The following GFAP variants were observed in gnomAD, a reference collection of about 807,000 sequenced individuals.
GFAP encodes intermediate filament protein.
In GFAP, 38 loss-of-function variants were observed where a neutral mutation model predicts 49.3. The observed-to-expected ratio is 0.77, with a 90% CI of 0.60 to 1.01. The LOEUF (loss-of-function observed/expected upper bound fraction) is 1.01. GFAP is among the 50% of genes least tolerant of loss of function. The probability of loss-of-function intolerance (pLI) is 0.00; values close to 1 mark genes in which losing one functional copy is unlikely to be tolerated. For missense variants in GFAP, 463 were observed against 579.1 expected (o/e 0.80, Z 2.06); for synonymous variants, 222 against 236.4 (o/e 0.94, Z 0.56).
chr17:44,909,978 G>A (rs1567772126), intron 7 of GFAP: 16 of 1,500,786 alleles, frequency 1.1e-5, no homozygotes, highest in Middle Eastern at 2.4e-4. Flanking sequence ...TCTGTACCAC[G>A]TCCTGGGCTG....
chr17:44,911,937 T>C lies in GFAP; in HGVS notation c.781-140A>G, dbSNP rs1244909802. The C allele has an allele frequency of 1.2e-5, 11 of 931,242 alleles. No homozygotes were observed. The Admixed American group carries it at 2.1e-4, about 18-fold the overall frequency. 57.7% of individuals were successfully genotyped at this position (931,242 alleles called of 1,614,324 possible). The stretch of plus-strand genomic sequence containing the variant: ...GACTTTTCCCAACAACTGTGACCCA[T>C]GGATGCGGGCAGGGTAGCGGGCTGC... On this transcript the variant is annotated intron_variant, in intron 4 of 8. Transcript: ENST00000588735.
In GFAP at chr17:44,906,990, A is replaced by G; in HGVS notation, c.*357T>C. On this transcript the variant is annotated 3_prime_UTR_variant, in exon 9 of 9. Transcript: ENST00000588735. ...CTCCATCTCTGGCAACAGTTTCCAT[A>G]ACAACAGGAATCAGGGATGTGGAGG... 2.8e-6 allele frequency: 1 copy of G among 360,510 alleles called. No homozygotes were observed. The allele number at this position is 360,510 out of a possible 1,614,324, so 22.3% of individuals were successfully genotyped here.
chr17:44,907,420 C>A (rs1486417779), intron 8 of GFAP, 32 bp from the exon 9 acceptor site: 1 of 1,518,840 alleles, frequency 6.6e-7, no homozygotes, highest in Admixed American at 1.7e-5. Context: ...CACAGTGCAA[C>A]AGTTAGGAGT....
intron 4 of GFAP, among the ~76,000 whole-genome samples, 179 bp from the exon 5 acceptor site, chr17:44,911,976 C>T (rs1412190569): frequency 6.6e-6 from 1 of 152,208 alleles, no homozygotes; most frequent in Non-Finnish European, 1.5e-5. Context: ...ACCTCAGCAC[C>T]TAGCACAACA....
In GFAP at chr17:44,903,280, A is replaced by G. The variant is rs1262195281; in HGVS notation, c.*4067T>C. On this transcript the variant is annotated 3_prime_UTR_variant, in exon 9 of 9. Transcript: ENST00000588735. ...TAATCAACAAATGATCAAATACTACATCATTTGAGGTGTTGAATTTTCCCC... is the reference window on the plus strand; with the variant it reads ...TAATCAACAAATGATCAAATACTACGTCATTTGAGGTGTTGAATTTTCCCC... 1 of 1,248,164 alleles carries G rather than the reference A, an allele frequency of 8.0e-7. No homozygotes were observed. Among genetic ancestry groups the G allele is most frequent in the Non-Finnish European group, 1.0e-6 (1 of 997,330 alleles). 77.3% of individuals were successfully genotyped at this position (1,248,164 alleles called of 1,614,324 possible). A position where few individuals can be genotyped will look rare whatever the true frequency, so the allele number is the denominator to read the frequency against.
Position 44,911,556 on chromosome 17 carries a change from T to G in GFAP, c.907-100A>C, listed in dbSNP as rs8067029. 195,212 of 1,558,762 alleles carry G rather than the reference T, an allele frequency of 0.13. 13,339 individuals carry two copies. The highest frequency in any genetic ancestry group is 0.26 in the African/African-American group (19,235 of 73,918). ...CCAGGCCCCGCCTCTAGCCCGGGGG[T>G]AACGTTCAGGCCCCGCCCTCGACCC... On this transcript the variant is annotated intron_variant, in intron 5 of 8. Transcript: ENST00000588735.
intron 7 of GFAP, chr17:44,909,343 A>G (rs1393832878): frequency 6.6e-6 from 1 of 152,220 alleles, no homozygotes; most frequent in African/African-American, 2.4e-5. Context: ...TGTGGCACAT[A>G]TTAGTGCTCA....
In GFAP at chr17:44,904,296, A is replaced by G; in HGVS notation, c.*3051T>C. 6.5e-7 allele frequency: 1 copy of G among 1,548,116 alleles called. No homozygotes were observed. The highest frequency in any genetic ancestry group is 8.7e-7 in the Non-Finnish European group (1 of 1,145,746). On this transcript the variant is annotated 3_prime_UTR_variant, in exon 9 of 9. Transcript: ENST00000588735. Reference sequence around the variant, plus strand: ...GCCACTTTCCAGGACAAGGGCCAGGAGCCCTTTGCAGATGAATACTATGGG... The same window carrying G: ...GCCACTTTCCAGGACAAGGGCCAGGGGCCCTTTGCAGATGAATACTATGGG...
chr17:44,905,695 T>A lies in GFAP; in HGVS notation c.*1652A>T, dbSNP rs1567768863. Reference sequence around the variant, plus strand: ...AAGGCAGCAGCAGTGCCCTGAAGATTAGCAGCAGCAGCAGCAGCAGGTGGC... The same window carrying A: ...AAGGCAGCAGCAGTGCCCTGAAGATAAGCAGCAGCAGCAGCAGCAGGTGGC... On this transcript the variant is annotated 3_prime_UTR_variant, in exon 9 of 9. Transcript: ENST00000588735. 6.4e-6 allele frequency: 1 copy of A among 156,678 alleles called. No individual in the cohort carries two copies. The highest frequency in any genetic ancestry group is 1.4e-5 in the Non-Finnish European group (1 of 71,582). 9.7% of individuals were successfully genotyped at this position (156,678 alleles called of 1,614,324 possible).
In GFAP at chr17:44,904,915, T is replaced by C. The variant is rs1217093328; in HGVS notation, c.*2432A>G. 24 of 1,550,496 alleles carry C rather than the reference T, an allele frequency of 1.5e-5. No individual in the cohort carries two copies. The highest frequency in any genetic ancestry group is 2.4e-5 in the South Asian group (2 of 84,064). ...GCTTCCGGCTGGGTGTGACATCTCA[T>C]GGGCACTACCCAGCCTCGTTCTCAG... On this transcript the variant is annotated 3_prime_UTR_variant, in exon 9 of 9. Coordinates refer to ENST00000588735, the MANE Select transcript of GFAP (RefSeq NM_002055.5).
In GFAP at chr17:44,911,305, A is replaced by C. The variant is rs755431595; in HGVS notation, c.1058T>G (p.Leu353Arg). ...GATGTCCAGGGCCAGCTTGACATTG[A>C]GCAGGTCCTGGTACTCCTGCAAGTG... ...ARHLQEYQDL[L>R]NVKLALDIEI... is the part of the protein sequence containing the mutation. Residue 353 changes from leucine (L) to arginine (R), a missense_variant, in exon 6 of 9, where the codon CTC becomes CGC. Leu to Arg is a moderately radical substitution (Grantham distance 102). Around this residue, in one of 3 missense-constraint regions of GFAP, gnomAD observed 362 missense variants for 445.5 expected, o/e 0.81. Coordinates refer to ENST00000588735, the MANE Select transcript of GFAP (RefSeq NM_002055.5). 6.2e-7 allele frequency: 1 copy of C among 1,614,064 alleles called. No homozygotes were observed. Among genetic ancestry groups the C allele is most frequent in the Non-Finnish European group, 8.5e-7 (1 of 1,179,958 alleles).
rs778694480 is a variant in GFAP, at chr17:44,913,412, C to G, written c.637G>C (p.Glu213Gln). 1.2e-6 allele frequency: 2 copies of G among 1,614,066 alleles called. No homozygotes were observed. Among genetic ancestry groups the G allele is most frequent in the Non-Finnish European group, 1.7e-6 (2 of 1,180,016 alleles). Reference sequence around the variant, plus strand: ...TGGACCTGCTGTCGGGCCAGCTGCTCCTGGAGTTCCCGAACCTCCTGACCA... The same window carrying G: ...TGGACCTGCTGTCGGGCCAGCTGCTGCTGGAGTTCCCGAACCTCCTGACCA... ...IHEEEVRELQ[E>Q]QLARQQVHVE... The change falls in exon 4 of 9, where the codon GAG becomes CAG. Residue 213 changes from glutamate (E) to glutamine (Q), a missense_variant. Glu to Gln is a conservative substitution (Grantham distance 29). Around this residue, in one of 3 missense-constraint regions of GFAP, gnomAD observed 362 missense variants for 445.5 expected, o/e 0.81. Coordinates refer to ENST00000588735, the MANE Select transcript of GFAP (RefSeq NM_002055.5).
At chr17:44,908,219 T>G in intron 7 of GFAP, 70 bp from the exon 8 acceptor site, 1 of 1,040,954 alleles carries the variant, frequency 9.6e-7, no homozygotes. Flanking sequence ...CATGCCCGGC[T>G]TCCCCATCGC....
chr17:44,913,239 G>A (rs754312649), intron 4 of GFAP, 30 bp downstream of exon 4: 4 of 1,606,906 alleles, frequency 2.5e-6, no homozygotes, highest in Non-Finnish European at 3.4e-6. Context: ...GCTGCCTGGA[G>A]GAGGCAGGCT....
chr17:44,905,374 A>C lies in GFAP; in HGVS notation c.*1973T>G. ...CAGATTTATCCAGTGGTAAACACTG[A>C]TCAGTGTTGAATCATGTTTGAGCTG... On this transcript the variant is annotated 3_prime_UTR_variant, in exon 9 of 9. Coordinates refer to ENST00000588735, the MANE Select transcript of GFAP (RefSeq NM_002055.5). 1 of 366,524 alleles carries C rather than the reference A, an allele frequency of 2.7e-6. No homozygotes were observed. Among genetic ancestry groups the C allele is most frequent in the East Asian group, 5.9e-5 (1 of 17,066 alleles). The allele number at this position is 366,524 out of a possible 1,614,324, so 22.7% of individuals were successfully genotyped here.
chr17:44,909,994 T>C (rs2145629979), intron 7 of GFAP: 1 of 1,533,084 alleles, frequency 6.5e-7, no homozygotes, highest in East Asian at 2.3e-5. Context: ...GGCTGGGCAC[T>C]GCAGTTCCTG....
chr17:44,904,791 G>C lies in GFAP; in HGVS notation c.*2556C>G, dbSNP rs560898223. The C allele has an allele frequency of 6.4e-7, 1 of 1,550,640 alleles. No individual in the cohort carries two copies. The highest frequency in any genetic ancestry group is 1.4e-5 in the African/African-American group (1 of 73,184). ...CTGAAGGGTGTCAACAGGTCCATGA[G>C]GGTGTTCATTGACCACGGCAACCAG... On this transcript the variant is annotated 3_prime_UTR_variant, in exon 9 of 9. Coordinates refer to ENST00000588735, the MANE Select transcript of GFAP (RefSeq NM_002055.5).
chr17:44,911,231 C>T lies in GFAP; in HGVS notation c.1127+5G>A, dbSNP rs1057107808. ...ACTTCCCCAGGGGCTGTGATGAGGG[C>T]TCACCGGTTCTCCTCGCCCTCTAGC... On this transcript the variant is annotated splice_donor_5th_base_variant and intron_variant, in intron 6 of 8. Coordinates refer to ENST00000588735, the MANE Select transcript of GFAP (RefSeq NM_002055.5). 4 of 1,613,130 alleles carry T rather than the reference C, an allele frequency of 2.5e-6. No homozygotes were observed. Among genetic ancestry groups the T allele is most frequent in the Middle Eastern group, 1.7e-4 (1 of 5,768 alleles).
At position 44,904,810 on chromosome 17, in the gene GFAP, C is replaced by G. The variant is rs1327267257; in HGVS notation, c.*2537G>C. 2 of 1,550,572 alleles carry G rather than the reference C, an allele frequency of 1.3e-6. No homozygotes were observed. The highest frequency in any genetic ancestry group is 1.7e-6 in the Non-Finnish European group (2 of 1,147,004). The stretch of plus-strand genomic sequence containing the variant: ...CCATGAGGGTGTTCATTGACCACGG[C>G]AACCAGCTCCACATCCGCTTCACCC... On this transcript the variant is annotated 3_prime_UTR_variant, in exon 9 of 9. Coordinates refer to ENST00000588735, the MANE Select transcript of GFAP (RefSeq NM_002055.5).
Sources: gnomAD v4.1 joint callset for allele counts (sites outside exome capture counted in the v4.1 genomes callset) on GRCh38, gnomAD v4.1.1 for gene constraint, gnomAD v4.1.1 regional missense constraint, MANE v1.5 for transcripts, NCBI Gene and HGNC (gene_info 2026-07-23, HGNC 2026-07-21) for gene names.